Variants in ALYREF observed in about 807,000 individuals in gnomAD.
ALYREF encodes Aly/REF export factor.
In ALYREF, 1 loss-of-function variant was observed where a neutral mutation model predicts 25.2. The ratio of observed to expected loss-of-function variants is 0.04; its 90% CI spans 0.01 to 0.19. ALYREF has a LOEUF of 0.19. Ranked by LOEUF, ALYREF falls within the 10% of genes least tolerant of loss-of-function variation. The pLI, the probability that ALYREF is intolerant of heterozygous loss-of-function variation, is 1.00. For missense variants in ALYREF, 328 were observed against 375.6 expected, an observed-to-expected ratio of 0.87 and a Z score of 1.05; for synonymous variants, 193 against 153.5, an observed-to-expected ratio of 1.26 and a Z score of -1.90.
rs751288400 is a variant in ALYREF at position 81,890,823 on chromosome 17, GAAAA to G, written c.259-7_259-4del. ...CACTTGTCGGGAAGTTGTTTTGGCT[GAAAA>G]AAAAACCGCAACAAGAGCAGATCTG... On this transcript the variant is annotated splice_region_variant and splice_polypyrimidine_tract_variant and intron_variant, in intron 1 of 5. Transcript: ENST00000505490. 26 of 1,587,438 alleles carry G rather than the reference GAAAA, an allele frequency of 1.6e-5. No individual in the cohort carries two copies. The highest frequency in any genetic ancestry group is 6.8e-5 in the Admixed American group (4 of 58,622).
chr17:81,888,614 T>C lies in ALYREF; in HGVS notation c.539-31A>G. The stretch of plus-strand genomic sequence containing the variant: ...GCAAAGAATACGAGAAGGCACGTTC[T>C]ATTGAGAGGCTCTGAAACCCACCCA... On this transcript the variant is annotated intron_variant, in intron 3 of 5. Coordinates refer to ENST00000505490, the MANE Select transcript of ALYREF (RefSeq NM_005782.4). The surrounding 1 kb of genome is among the most constrained non-coding windows in gnomAD (Gnocchi z 5.8). 1 of 1,572,018 alleles carries C rather than the reference T, an allele frequency of 6.4e-7. No homozygotes were observed. The highest frequency in any genetic ancestry group is 8.6e-7 in the Non-Finnish European group (1 of 1,157,400).
At chr17:81,891,139 C>T (rs1192094140) in intron 1 of ALYREF, 184 bp downstream of exon 1, 4 of 603,364 alleles carry the variant, frequency 6.6e-6, no homozygotes, top group Non-Finnish European at 1.0e-5. Context: ...GGACCGGACC[C>T]CGAAAGAACG....
chr17:81,890,897 A>C, intron 1 of ALYREF, 77 bp from the exon 2 acceptor site: 1 of 1,592,358 alleles, frequency 6.3e-7, no homozygotes, highest in African/African-American at 1.4e-5. Flanking sequence ...GCTACTCCGG[A>C]CCCTTCCTCT....
intron 2 of ALYREF, among the ~76,000 whole-genome samples, 190 bp from the exon 3 acceptor site, chr17:81,889,519 G>C (rs1026462929): frequency 6.6e-6 from 1 of 152,204 alleles, no homozygotes; most frequent in African/African-American, 2.4e-5. Flanking sequence ...TGGGTCTGAG[G>C]GCTCCTGCCA....
intron 2 of ALYREF, 121 bp downstream of exon 2, chr17:81,890,568 C>A (rs1230814112): frequency 6.9e-7 from 1 of 1,451,598 alleles, no homozygotes; most frequent in South Asian, 1.3e-5. Flanking sequence ...TGTCCTGCAG[C>A]CCTTCAGAGC....
chr17:81,888,385 G>A lies in ALYREF; in HGVS notation c.636C>T (p.Gly212=), dbSNP rs772654893. The A allele has an allele frequency of 7.5e-6, 12 of 1,600,380 alleles. No individual in the cohort carries two copies. Among genetic ancestry groups the A allele is most frequent in the East Asian group, 2.2e-5 (1 of 44,714 alleles). ...CTCCACCACCACCAAAACCTCCAGCGCCACGGTTTCTAGTCATGCCACCTC... is the reference window on the plus strand; with the variant it reads ...CTCCACCACCACCAAAACCTCCAGCACCACGGTTTCTAGTCATGCCACCTC... ...VNRGGMTRNR[G]AGGFGGGGGT... The change falls in exon 5 of 6, where the codon GGC becomes GGT. Residue 212 remains glycine, a synonymous_variant. Transcript: ENST00000505490. The surrounding 1 kb of genome is among the most constrained non-coding windows in gnomAD (Gnocchi z 5.8).
In ALYREF at chr17:81,888,186, C is replaced by G; in HGVS notation, c.781-41G>C. ...GAAAGAGGCTTGCATTCACAGGCGG[C>G]CTGCTCCCCACTGCGGCTTTGACCA... On this transcript the variant is annotated intron_variant, in intron 5 of 5. Transcript: ENST00000505490. The surrounding 1 kb of genome is among the most constrained non-coding windows in gnomAD (Gnocchi z 5.8). 5 of 1,614,102 alleles carry G rather than the reference C, an allele frequency of 3.1e-6. No homozygotes were observed. The highest frequency in any genetic ancestry group is 4.2e-6 in the Non-Finnish European group (5 of 1,180,018).
chr17:81,890,301 A>G (rs981155961), intron 2 of ALYREF, among the ~76,000 whole-genome samples: 1 of 152,208 alleles, frequency 6.6e-6, no homozygotes, highest in Non-Finnish European at 1.5e-5. Context: ...CCTGTGCTTC[A>G]CAAGATACAT....
At chr17:81,890,990 G>T in intron 1 of ALYREF, 170 bp from the exon 2 acceptor site, 1 of 1,003,982 alleles carries the variant, frequency 1.0e-6, no homozygotes, top group Non-Finnish European at 1.4e-6. Context: ...AGGCCGCACG[G>T]TCCCACCGCG....
intron 1 of ALYREF, 157 bp from the exon 2 acceptor site, chr17:81,890,977 C>T: frequency 8.7e-7 from 1 of 1,148,080 alleles, no homozygotes; most frequent in Non-Finnish European, 1.2e-6. Context: ...CTGCCCCAGC[C>T]CGAGGCCGCA....
Position 81,890,806 on chromosome 17 carries a change from G to C in ALYREF, c.273C>G (p.Pro91=), listed in dbSNP as rs748089400. The C allele has an allele frequency of 1.9e-6, 3 of 1,613,970 alleles. No individual in the cohort carries two copies. The highest frequency in any genetic ancestry group is 3.3e-5 in the Admixed American group (2 of 59,996). Residue 91 remains proline, a synonymous_variant, in exon 2 of 6, where the codon CCC becomes CCG. Transcript: ENST00000505490. The part of the protein sequence containing the change: ...PAPYSRPKQL[P]DKWQHDLFDS... Reference sequence around the variant, plus strand: ...CGAAAAGATCGTGCTGCCACTTGTCGGGAAGTTGTTTTGGCTGAAAAAAAA... The same window carrying C: ...CGAAAAGATCGTGCTGCCACTTGTCCGGAAGTTGTTTTGGCTGAAAAAAAA...
Position 81,890,780 on chromosome 17 carries a change from T to C in ALYREF, c.299A>G (p.Asp100Gly). The C allele has an allele frequency of 6.2e-7, 1 of 1,614,050 alleles. No individual in the cohort carries two copies. Among genetic ancestry groups the C allele is most frequent in the Non-Finnish European group, 8.5e-7 (1 of 1,180,008 alleles). The change falls in exon 2 of 6, where the codon GAC becomes GGC. Residue 100 changes from aspartate (D) to glycine (G), a missense_variant. Around this residue, in one of 3 missense-constraint regions of ALYREF, gnomAD observed 70 missense variants for 129.9 expected, o/e 0.54. Coordinates refer to ENST00000505490, the MANE Select transcript of ALYREF (RefSeq NM_005782.4). ...GCCGGCACCACCGCCGAAGCCACTG[T>C]CGAAAAGATCGTGCTGCCACTTGTC... Reference protein sequence around the residue: ...LPDKWQHDLFDSGFGGGAGVE... With the variant: ...LPDKWQHDLFGSGFGGGAGVE...
chr17:81,887,958 T>TAAAAAAAA lies in ALYREF; in HGVS notation c.*165_*172dup, dbSNP rs545535430. ...GTACAAAACAGGTCTGTTTCAGAAT[T>TAAAAAAAA]AAAAAAAAAAAAAAAGAAAAAAAAA... On this transcript the variant is annotated 3_prime_UTR_variant, in exon 6 of 6. Transcript: ENST00000505490. The TAAAAAAAA allele has an allele frequency of 4.9e-6, 2 of 410,254 alleles. No homozygotes were observed. The highest frequency in any genetic ancestry group is 7.3e-6 in the Non-Finnish European group (2 of 274,906). 25.4% of individuals were successfully genotyped at this position (410,254 alleles called of 1,614,324 possible). A position where few individuals can be genotyped will look rare whatever the true frequency, so the allele number is the denominator to read the frequency against.
Position 81,890,975 on chromosome 17 carries a change from G to A in ALYREF, c.259-155C>T, listed in dbSNP as rs969968036. On this transcript the variant is annotated intron_variant, in intron 1 of 5. Transcript: ENST00000505490. ...TCCCTCCGGCGCTGCAGCTGCCCCA[G>A]CCCGAGGCCGCACGGTCCCACCGCG... The A allele has an allele frequency of 5.2e-6, 6 of 1,143,776 alleles. No homozygotes were observed. The African/African-American group carries it at 6.3e-5, about 12-fold the overall frequency. The allele number at this position is 1,143,776 out of a possible 1,614,324, so 70.9% of individuals were successfully genotyped here.
rs1361589661 is a variant in ALYREF at position 81,888,102 on chromosome 17, C to T, written c.*29G>A. ...GGGAGCAAGAGGAGACGCCTGGGTC[C>T]TGTTCCGCACGCGGATTTGCTGGTC... On this transcript the variant is annotated 3_prime_UTR_variant, in exon 6 of 6. Transcript: ENST00000505490. This position sits in a 1 kb window ranked among gnomAD's most constrained non-coding sequence, Gnocchi z 5.8. The T allele has an allele frequency of 6.2e-7, 1 of 1,613,882 alleles. No homozygotes were observed. Among genetic ancestry groups the T allele is most frequent in the East Asian group, 2.2e-5 (1 of 44,884 alleles).
intron 1 of ALYREF, chr17:81,891,027 T>A (rs1196504992): frequency 6.5e-6 from 5 of 766,544 alleles, no homozygotes; most frequent in Non-Finnish European, 1.0e-5. Flanking sequence ...TCCCTTAGAC[T>A]AACTTCCCGC....
rs536919755 is a variant in ALYREF at position 81,891,309 on chromosome 17, G to C, written c.258+14C>G. The C allele has an allele frequency of 4.1e-3, 4,651 of 1,143,074 alleles. 168 individuals carry two copies. In the African/African-American group the frequency reaches 0.072, roughly 18 times the overall value. The allele number at this position is 1,143,074 out of a possible 1,614,324, so 70.8% of individuals were successfully genotyped here. A position where few individuals can be genotyped will look rare whatever the true frequency, so the allele number is the denominator to read the frequency against. ...CCCCTCCCACTCTCCGGCGCGGCCGGCCTCCGCACTCACCCTGCTGTAGGG... is the reference window on the plus strand; with the variant it reads ...CCCCTCCCACTCTCCGGCGCGGCCGCCCTCCGCACTCACCCTGCTGTAGGG... On this transcript the variant is annotated intron_variant, in intron 1 of 5. Transcript: ENST00000505490.
chr17:81,890,892 T>A, intron 1 of ALYREF, 72 bp from the exon 2 acceptor site: 2 of 1,595,448 alleles, frequency 1.3e-6, no homozygotes, highest in Non-Finnish European at 1.7e-6. Context: ...TCACGGCTAC[T>A]CCGGACCCTT....
chr17:81,888,475 C>A lies in ALYREF; in HGVS notation c.602+45G>T. 1 of 1,603,914 alleles carries A rather than the reference C, an allele frequency of 6.2e-7. No individual in the cohort carries two copies. On this transcript the variant is annotated intron_variant, in intron 4 of 5. Transcript: ENST00000505490. This position sits in a 1 kb window ranked among gnomAD's most constrained non-coding sequence, Gnocchi z 5.8. ...CGGAAGGACCCTAAGAGCGACGCAG[C>A]CTCACCCTCGGCCAATCCCCTTCCC...
Sources: gnomAD v4.1 joint callset for allele counts (sites outside exome capture counted in the v4.1 genomes callset) on GRCh38, gnomAD v4.1.1 for gene constraint, gnomAD v4.1.1 regional missense constraint, Gnocchi (gnomAD v3.1) non-coding constraint, MANE v1.5 for transcripts, NCBI Gene and HGNC (gene_info 2026-07-23, HGNC 2026-07-21) for gene names.